Variants in PDE3A observed in about 807,000 individuals in gnomAD.
PDE3A encodes the protein phosphodiesterase 3A.
PDE3A carries 43 observed loss-of-function variants against 98.3 expected under a neutral mutation model. The ratio of observed to expected loss-of-function variants is 0.44; its 90% CI spans 0.34 to 0.56. The LOEUF is 0.56. PDE3A is among the 20% of genes least tolerant of loss of function. The pLI is 0.01. For synonymous variants in PDE3A, 663 were observed against 567.9 expected (o/e 1.17, Z -2.38); for missense variants, 1,427 against 1,440.7 (o/e 0.99, Z 0.15).
chr12:20,635,955 T>G (rs898943816), intron 8 of PDE3A, among the ~76,000 whole-genome samples: 1 of 152,106 alleles, frequency 6.6e-6, no homozygotes, highest in Admixed American at 6.6e-5. Flanking sequence ...TTGCAGATAT[T>G]TATTAACCCA....
At chr12:20,635,551 C>T (rs971891098) in intron 8 of PDE3A, among the ~76,000 whole-genome samples, 12 of 149,004 alleles carry the variant, frequency 8.1e-5, no homozygotes, top group African/African-American at 3.0e-4. Flanking sequence ...GCACTCCAGC[C>T]TGCGCAATAG....
chr12:20,446,378 A>T (rs1470761537), intron 1 of PDE3A, among the ~76,000 whole-genome samples: 1 of 152,156 alleles, frequency 6.6e-6, no homozygotes, highest in East Asian at 1.9e-4. Flanking sequence ...GAGGGAAAAC[A>T]TTATTTTTCT....
intron 1 of PDE3A, among the ~76,000 whole-genome samples, chr12:20,550,165 T>A (rs1003358093): frequency 2.0e-5 from 3 of 152,168 alleles, no homozygotes; most frequent in Non-Finnish European, 4.4e-5. Flanking sequence ...ATAACTTGTG[T>A]TTGTAAGATT....
intron 2 of PDE3A, among the ~76,000 whole-genome samples, chr12:20,604,382 A>T (rs1001974709): frequency 2.0e-5 from 3 of 152,190 alleles, no homozygotes; most frequent in Admixed American, 6.5e-5. Context: ...GATGAATGAA[A>T]AAAACTTTCT....
chr12:20,667,608 C>G (rs1351670906), intron 15 of PDE3A, among the ~76,000 whole-genome samples: 1 of 152,034 alleles, frequency 6.6e-6, no homozygotes, highest in Non-Finnish European at 1.5e-5. Context: ...TTTCTGGAGT[C>G]TATGTTTTAT....
intron 2 of PDE3A, among the ~76,000 whole-genome samples, chr12:20,608,437 A>C (rs1943767549): frequency 6.6e-6 from 1 of 152,106 alleles, no homozygotes; most frequent in South Asian, 2.1e-4. Flanking sequence ...AATTTCAATA[A>C]GGATAATTTG....
intron 5 of PDE3A, among the ~76,000 whole-genome samples, chr12:20,628,072 C>T (rs1944306968): frequency 6.6e-6 from 1 of 152,062 alleles, no homozygotes. Context: ...AACTAGACTT[C>T]CTTTATTTTA....
chr12:20,566,548 C>G (rs1054028202), intron 2 of PDE3A, among the ~76,000 whole-genome samples: 2 of 151,534 alleles, frequency 1.3e-5, no homozygotes, highest in Non-Finnish European at 2.9e-5. Context: ...GGAAAAACCT[C>G]TCAGAAAATT....
chr12:20,425,617 A>C (rs1301826433), intron 1 of PDE3A, among the ~76,000 whole-genome samples: 1 of 152,216 alleles, frequency 6.6e-6, no homozygotes. Flanking sequence ...AGTGACTTTC[A>C]TATTTAGGAT....
intron 1 of PDE3A, among the ~76,000 whole-genome samples, chr12:20,415,326 C>T (rs10732533): frequency 0.62 from 93,626 of 151,730 alleles, 30,671 homozygotes; most frequent in East Asian, 0.88. Flanking sequence ...GCTTATTTTA[C>T]CCCAAAACAA....
intron 1 of PDE3A, among the ~76,000 whole-genome samples, chr12:20,425,174 A>G (rs1330888059): frequency 6.6e-6 from 1 of 152,218 alleles, no homozygotes; most frequent in Admixed American, 6.5e-5. Flanking sequence ...GGCCTCGGTG[A>G]CCAATAATGT....
chr12:20,661,042 T>A (rs1475414528), intron 15 of PDE3A, among the ~76,000 whole-genome samples: 1 of 152,162 alleles, frequency 6.6e-6, no homozygotes, highest in Non-Finnish European at 1.5e-5. Flanking sequence ...TGACAAAAAA[T>A]GCTGATAGTG....
intron 1 of PDE3A, among the ~76,000 whole-genome samples, chr12:20,500,649 G>T (rs2121080782): frequency 6.6e-6 from 1 of 151,826 alleles, no homozygotes; most frequent in Middle Eastern, 3.4e-3. Context: ...TAAAGTAGTA[G>T]TTTAATCAAA....
intron 1 of PDE3A, among the ~76,000 whole-genome samples, chr12:20,397,143 A>G (rs1205908715): frequency 2.0e-5 from 3 of 152,096 alleles, no homozygotes; most frequent in South Asian, 4.1e-4. Context: ...CTAAAAATGT[A>G]TGTTTGTAAG....
rs537785063 is a variant in PDE3A at position 20,676,850 on chromosome 12, A to G, written c.3185-3180A>G. Among the ~76,000 whole-genome samples, 272 of 152,156 alleles carry G rather than the reference A, an allele frequency of 1.8e-3. 1 individual carries two copies. The highest frequency in any genetic ancestry group is 5.8e-3 in the African/African-American group (242 of 41,524). On this transcript the variant is annotated intron_variant, in intron 15 of 15. Transcript: ENST00000359062. Reference sequence around the variant, plus strand: ...CAATGCACCACGGGGAGGACCTTGAATTTTATTTGTGTGAGTTTCTCTGAG... The same window carrying G: ...CAATGCACCACGGGGAGGACCTTGAGTTTTATTTGTGTGAGTTTCTCTGAG...
At chr12:20,664,641 T>C (rs1945263623) in intron 15 of PDE3A, among the ~76,000 whole-genome samples, 1 of 152,204 alleles carries the variant, frequency 6.6e-6, no homozygotes, top group Admixed American at 6.5e-5. Flanking sequence ...GTCATGGATC[T>C]GATGATTTTA....
intron 1 of PDE3A, 81 bp downstream of exon 1, chr12:20,370,325 G>T: frequency 7.9e-7 from 1 of 1,263,214 alleles, no homozygotes; most frequent in African/African-American, 1.5e-5. Flanking sequence ...GAATCCGAGC[G>T]CTGGGAACTA....
intron 8 of PDE3A, among the ~76,000 whole-genome samples, chr12:20,636,462 G>A (rs1440323226): frequency 2.0e-5 from 3 of 151,934 alleles, no homozygotes; most frequent in South Asian, 2.1e-4. Context: ...GAACATCCTC[G>A]TTTGGGACCA....
chr12:20,671,393 C>G (rs1945477240), intron 15 of PDE3A, among the ~76,000 whole-genome samples: 1 of 151,898 alleles, frequency 6.6e-6, no homozygotes. Flanking sequence ...AGAGACACAA[C>G]AAAAAAAGAT....
Sources: allele counts gnomAD v4.1 joint callset (sites outside exome capture counted in the v4.1 genomes callset), GRCh38; gene constraint gnomAD v4.1.1; transcripts MANE v1.5; gene names NCBI Gene and HGNC (gene_info 2026-07-23, HGNC 2026-07-21).